ANKRD12: variants seen among roughly 807,000 people sequenced by gnomAD.
ANKRD12 encodes ankyrin repeat domain 12.
Under a neutral mutation model 183.4 loss-of-function variants are expected in ANKRD12, and 85 were observed. The observed-to-expected ratio is 0.46, with a 90% CI of 0.39 to 0.56. The LOEUF (loss-of-function observed/expected upper bound fraction) is 0.56. Ranked by LOEUF, ANKRD12 falls within the 20% of genes least tolerant of loss-of-function variation. ANKRD12 has a pLI of 0.00. For synonymous variants in ANKRD12, 914 were observed against 800.2 expected, an observed-to-expected ratio of 1.14 and a Z score of -2.40; for missense variants, 2,405 against 2,357.1, an observed-to-expected ratio of 1.02 and a Z score of -0.42.
intron 8 of ANKRD12, among the ~76,000 whole-genome samples, chr18:9,236,555 AATAAG>A (rs1427587977): frequency 1.3e-5 from 2 of 152,196 alleles, no homozygotes; most frequent in African/African-American, 4.8e-5. Flanking sequence ...AGACTGGAAA[AATAAG>A]ATAAATCTCC....
intron 2 of ANKRD12, among the ~76,000 whole-genome samples, chr18:9,188,757 T>C (rs2034267947): frequency 6.6e-6 from 1 of 152,258 alleles, no homozygotes; most frequent in African/African-American, 2.4e-5. Flanking sequence ...TGATTAGTGA[T>C]CTTTGTTACT....
intron 1 of ANKRD12, among the ~76,000 whole-genome samples, chr18:9,152,070 GA>G (rs942479871): frequency 2.6e-5 from 4 of 151,964 alleles, no homozygotes; most frequent in African/African-American, 4.8e-5. Flanking sequence ...AAAACAAAAA[GA>G]AAAAAATAAT....
At chr18:9,223,429 T>G (rs555936808) in intron 8 of ANKRD12, among the ~76,000 whole-genome samples, 2 of 151,872 alleles carry the variant, frequency 1.3e-5, no homozygotes, top group African/African-American at 4.8e-5. Flanking sequence ...TAATATTGTT[T>G]TTTACCCCGT....
At chr18:9,171,456 G>C (rs2032719305) in intron 1 of ANKRD12, among the ~76,000 whole-genome samples, 1 of 152,146 alleles carries the variant, frequency 6.6e-6, no homozygotes, top group African/African-American at 2.4e-5. Context: ...GTGTGAATTT[G>C]ATCCTGTCAT....
At chr18:9,223,755 G>T (rs1292047805) in intron 8 of ANKRD12, among the ~76,000 whole-genome samples, 1 of 152,080 alleles carries the variant, frequency 6.6e-6, no homozygotes, top group Non-Finnish European at 1.5e-5. Flanking sequence ...ACAGAATACT[G>T]AATACTAGTT....
chr18:9,245,543 T>G (rs2037912209), intron 8 of ANKRD12, among the ~76,000 whole-genome samples: 1 of 152,208 alleles, frequency 6.6e-6, no homozygotes, highest in African/African-American at 2.4e-5. Context: ...TAAACTATAT[T>G]AATAGTTTAT....
At chr18:9,267,026 T>G (rs2039331591) in intron 10 of ANKRD12, among the ~76,000 whole-genome samples, 1 of 152,064 alleles carries the variant, frequency 6.6e-6, no homozygotes, top group African/African-American at 2.4e-5. Context: ...AAGAAGGCCA[T>G]TACATAATGG....
chr18:9,258,553 T>C lies in ANKRD12; in HGVS notation c.5286T>C (p.Ser1762=), dbSNP rs145087479. 2,923 of 1,613,796 alleles carry C rather than the reference T, an allele frequency of 1.8e-3. 3 individuals are homozygous for C. The highest frequency in any genetic ancestry group is 2.3e-3 in the Non-Finnish European group (2,726 of 1,179,906). The change falls in exon 9 of 13, where the codon AGT becomes AGC. Residue 1762 remains serine, a synonymous_variant. Coordinates refer to ENST00000262126, the MANE Select transcript of ANKRD12 (RefSeq NM_015208.5). Reference sequence around the variant, plus strand: ...GTACACTATTATCAGAAAAAGACAGTGAATCCTCATCTCCTAGAGGAAGAA... The same window carrying C: ...GTACACTATTATCAGAAAAAGACAGCGAATCCTCATCTCCTAGAGGAAGAA... ...ASCTLLSEKD[S]ESSSPRGRIR... is the part of the protein sequence containing the mutation.
At chr18:9,174,722 A>G (rs916110535) in intron 1 of ANKRD12, among the ~76,000 whole-genome samples, 1 of 152,046 alleles carries the variant, frequency 6.6e-6, no homozygotes, top group African/African-American at 2.4e-5. Flanking sequence ...TGGACATTTC[A>G]TTTGAAGGTG....
At chr18:9,263,356 G>GGAC (rs2039094060) in intron 9 of ANKRD12, among the ~76,000 whole-genome samples, 1 of 151,870 alleles carries the variant, frequency 6.6e-6, no homozygotes, top group Admixed American at 6.6e-5. Flanking sequence ...GTAACACTCA[G>GGAC]GACTTTAGTG....
intron 8 of ANKRD12, among the ~76,000 whole-genome samples, chr18:9,235,020 G>T (rs1404133824): frequency 6.6e-6 from 1 of 152,054 alleles, no homozygotes; most frequent in African/African-American, 2.4e-5. Flanking sequence ...TTCTCTGTTG[G>T]ACTTTAATGT....
chr18:9,247,465 G>A (rs1054420260), intron 8 of ANKRD12, among the ~76,000 whole-genome samples: 1 of 152,044 alleles, frequency 6.6e-6, no homozygotes, highest in African/African-American at 2.4e-5. Flanking sequence ...GGCAATGGAC[G>A]GAGACCCTAT....
Position 9,255,925 on chromosome 18 carries a change from G to C in ANKRD12, c.2658G>C (p.Glu886Asp). 6.3e-7 allele frequency: 1 copy of C among 1,589,222 alleles called. No individual in the cohort carries two copies. Among genetic ancestry groups the C allele is most frequent in the Non-Finnish European group, 8.5e-7 (1 of 1,173,420 alleles). ...HHTEKCHKEG[E>D]KSKNTAAIKK... ...CAGAAAAATGCCATAAAGAAGGTGA[G>C]AAGAGCAAAAATACTGCTGCTATTA... The change falls in exon 9 of 13, where the codon GAG becomes GAC. Residue 886 changes from glutamate (E) to aspartate (D), a missense_variant. By Grantham distance (45) the Glu-to-Asp change is conservative. Around this residue, in one of 7 missense-constraint regions of ANKRD12, gnomAD observed 1,983 missense variants for 1,725.9 expected, o/e 1.15. Coordinates refer to ENST00000262126, the MANE Select transcript of ANKRD12 (RefSeq NM_015208.5).
chr18:9,238,466 C>T (rs1471089463), intron 8 of ANKRD12, among the ~76,000 whole-genome samples: 1 of 152,144 alleles, frequency 6.6e-6, no homozygotes, highest in Non-Finnish European at 1.5e-5. Context: ...TCAGCATACC[C>T]CCACCATTAC....
intron 1 of ANKRD12, among the ~76,000 whole-genome samples, chr18:9,144,243 T>C (rs1469954231): frequency 6.6e-6 from 1 of 152,236 alleles, no homozygotes; most frequent in Non-Finnish European, 1.5e-5. Flanking sequence ...TATGCTATTG[T>C]TTAAAGATTA....
intron 10 of ANKRD12, among the ~76,000 whole-genome samples, chr18:9,270,408 A>AT (rs1890865050): frequency 6.6e-6 from 1 of 152,242 alleles, no homozygotes; most frequent in African/African-American, 2.4e-5. Flanking sequence ...TGTGGCACAT[A>AT]TACACCGTGC....
intron 11 of ANKRD12, 70 bp from the exon 12 acceptor site, chr18:9,279,479 A>C (rs890598093): frequency 3.3e-6 from 3 of 914,062 alleles, no homozygotes; most frequent in Non-Finnish European, 5.2e-6. Context: ...TATACCATAA[A>C]AATACTATAA....
chr18:9,268,603 G>A (rs562551578), intron 10 of ANKRD12, among the ~76,000 whole-genome samples: 3 of 152,252 alleles, frequency 2.0e-5, no homozygotes, highest in Admixed American at 2.0e-4. Flanking sequence ...AATAAATTAG[G>A]TATTGATGGG....
At chr18:9,137,144 G>C (rs1259992994) in intron 1 of ANKRD12, 179 bp downstream of exon 1, 2 of 150,778 alleles carry the variant, frequency 1.3e-5, no homozygotes, top group African/African-American at 2.4e-5. Context: ...CGCGCCGCCC[G>C]CCCAGCCTGG....
Sources: allele counts gnomAD v4.1 joint callset (sites outside exome capture counted in the v4.1 genomes callset), GRCh38; gene constraint gnomAD v4.1.1; regional missense constraint gnomAD v4.1.1; transcripts MANE v1.5; gene names NCBI Gene and HGNC (gene_info 2026-07-23, HGNC 2026-07-21).